Variants in TMEM108 observed in about 807,000 individuals in gnomAD.
The protein encoded by TMEM108 is transmembrane protein 108.
In TMEM108, 12 loss-of-function variants were observed where a neutral mutation model predicts 35.1. The ratio of observed to expected loss-of-function variants is 0.34; its 90% confidence interval spans 0.22 to 0.55. The LOEUF (loss-of-function observed/expected upper bound fraction) is 0.55. Ranked by LOEUF, TMEM108 falls within the 20% of genes least tolerant of loss-of-function variation. TMEM108 has a pLI of 0.89. For synonymous variants in TMEM108, 287 were observed against 308.6 expected, an observed-to-expected ratio of 0.93 and a Z score of 0.73; for missense variants, 680 against 753.3, an observed-to-expected ratio of 0.90 and a Z score of 1.14.
intron 2 of TMEM108, among the ~76,000 whole-genome samples, chr3:133,094,029 C>G (rs1943980335): frequency 1.3e-5 from 2 of 152,134 alleles, no homozygotes; most frequent in African/African-American, 4.8e-5. Flanking sequence ...TGAGTTGTTA[C>G]AGTTAATAGG....
intron 3 of TMEM108, among the ~76,000 whole-genome samples, chr3:133,281,228 A>C (rs1286828943): frequency 2.0e-5 from 3 of 152,214 alleles, no homozygotes; most frequent in Non-Finnish European, 4.4e-5. Context: ...TGGGAATCAG[A>C]GGGTTCCCAT....
chr3:133,254,922 TG>T (rs1274673161), intron 3 of TMEM108, among the ~76,000 whole-genome samples: 1 of 152,200 alleles, frequency 6.6e-6, no homozygotes, highest in Non-Finnish European at 1.5e-5. Flanking sequence ...TTCATATTTC[TG>T]GTGGTTCATG....
chr3:133,120,588 A>G (rs1944340789), intron 2 of TMEM108, among the ~76,000 whole-genome samples: 1 of 152,098 alleles, frequency 6.6e-6, no homozygotes, highest in South Asian at 2.1e-4. Flanking sequence ...GGCATAGCTC[A>G]TCTCTCTTTA....
At chr3:133,148,718 A>G (rs1944756329) in intron 2 of TMEM108, among the ~76,000 whole-genome samples, 1 of 152,144 alleles carries the variant, frequency 6.6e-6, no homozygotes, top group Non-Finnish European at 1.5e-5. Context: ...AACATTGGTC[A>G]GGTATGGTGG....
intron 2 of TMEM108, among the ~76,000 whole-genome samples, chr3:133,176,370 T>A (rs1181641415): frequency 6.6e-6 from 1 of 152,156 alleles, no homozygotes; most frequent in African/African-American, 2.4e-5. Flanking sequence ...AGAATATACA[T>A]TTTTTTCAGC....
intron 3 of TMEM108, among the ~76,000 whole-genome samples, chr3:133,312,934 ACTTTACTATAT>A (rs1373269397): frequency 1.3e-5 from 2 of 152,276 alleles, no homozygotes; most frequent in East Asian, 1.9e-4. Context: ...AGAATTACCA[ACTTTACTATAT>A]CTTTACTATA....
chr3:133,105,379 C>T (rs1944137387), intron 2 of TMEM108, among the ~76,000 whole-genome samples: 1 of 152,178 alleles, frequency 6.6e-6, no homozygotes, highest in South Asian at 2.1e-4. Flanking sequence ...TTGAATCTCT[C>T]TAACCTTCCC....
chr3:133,202,602 T>C (rs1273793489), intron 2 of TMEM108, among the ~76,000 whole-genome samples: 1 of 152,198 alleles, frequency 6.6e-6, no homozygotes, highest in East Asian at 1.9e-4. Flanking sequence ...CAGATGGTTG[T>C]AGATGTGTGG....
At chr3:133,152,084 G>T (rs1048605187) in intron 2 of TMEM108, among the ~76,000 whole-genome samples, 9 of 152,142 alleles carry the variant, frequency 5.9e-5, no homozygotes, top group African/African-American at 1.7e-4. Context: ...CCATGAATGA[G>T]CTTCATCAGT....
At chr3:133,238,076 C>G (rs1390754418) in intron 3 of TMEM108, among the ~76,000 whole-genome samples, 2 of 151,986 alleles carry the variant, frequency 1.3e-5, no homozygotes, top group Admixed American at 6.6e-5. Flanking sequence ...ACCTTTCCAG[C>G]CTCATCTCTT....
At chr3:133,143,575 C>T (rs180776860) in intron 2 of TMEM108, among the ~76,000 whole-genome samples, 101 of 152,100 alleles carry the variant, frequency 6.6e-4, no homozygotes, top group African/African-American at 1.9e-3. Context: ...CCTTGTATGG[C>T]GAAAAGATGT....
At chr3:133,039,260 G>T (rs938870543) in intron 1 of TMEM108, among the ~76,000 whole-genome samples, 9 of 152,170 alleles carry the variant, frequency 5.9e-5, no homozygotes, top group Admixed American at 3.3e-4. Flanking sequence ...GAAGATAGGG[G>T]TTTTTTTCGG....
rs575662470 is a variant in TMEM108, at chr3:133,335,875, G to A, written c.41-43877G>A. Reference sequence around the variant, plus strand: ...TCCTCTGCCGGGAGCTGCACGGCACGGAGAAAGAATCTGTTCACTTCAGTG... The same window carrying A: ...TCCTCTGCCGGGAGCTGCACGGCACAGAGAAAGAATCTGTTCACTTCAGTG... On this transcript the variant is annotated intron_variant, in intron 3 of 5. Transcript: ENST00000321871. Among the ~76,000 whole-genome samples the A allele has an allele frequency of 1.2e-4, 19 of 152,260 alleles. No individual in the cohort carries two copies. In the East Asian group the frequency reaches 1.7e-3, roughly 14 times the overall value.
chr3:133,132,224 A>G (rs1944500828), intron 2 of TMEM108, among the ~76,000 whole-genome samples: 1 of 152,206 alleles, frequency 6.6e-6, no homozygotes, highest in African/African-American at 2.4e-5. Flanking sequence ...TGTAGATGAA[A>G]CAGGCTTCTG....
At chr3:133,082,047 C>T (rs1943817714) in intron 2 of TMEM108, among the ~76,000 whole-genome samples, 1 of 152,188 alleles carries the variant, frequency 6.6e-6, no homozygotes, top group South Asian at 2.1e-4. Flanking sequence ...GCTAACTCTA[C>T]TCCTTGTGGC....
intron 4 of TMEM108, among the ~76,000 whole-genome samples, chr3:133,383,953 C>T (rs1183011036): frequency 1.3e-5 from 2 of 152,278 alleles, no homozygotes; most frequent in East Asian, 1.9e-4. Context: ...CCAACTCCTG[C>T]GGGACCATCG....
intron 2 of TMEM108, among the ~76,000 whole-genome samples, chr3:133,196,349 C>T (rs1310033476): frequency 6.6e-6 from 1 of 152,138 alleles, no homozygotes; most frequent in African/African-American, 2.4e-5. Context: ...GAGCTTGGAG[C>T]CTACCAGTGG....
At chr3:133,187,471 C>T (rs1056551045) in intron 2 of TMEM108, among the ~76,000 whole-genome samples, 8 of 151,980 alleles carry the variant, frequency 5.3e-5, no homozygotes, top group Non-Finnish European at 1.0e-4. Flanking sequence ...GGTCTTGGGC[C>T]GGGCATGGTG....
chr3:133,236,599 A>C, intron 3 of TMEM108, among the ~76,000 whole-genome samples: 1 of 152,202 alleles, frequency 6.6e-6, no homozygotes, highest in East Asian at 1.9e-4. Flanking sequence ...TCTGCTTCTC[A>C]TGTGATCTCT....
Sources: gnomAD v4.1 joint callset for allele counts (sites outside exome capture counted in the v4.1 genomes callset) on GRCh38, gnomAD v4.1.1 for gene constraint, MANE v1.5 for transcripts, NCBI Gene and HGNC (gene_info 2026-07-23, HGNC 2026-07-21) for gene names.